Variants in TMEM232 observed in about 807,000 individuals in gnomAD.
TMEM232 encodes transmembrane protein 232.
A neutral mutation model predicts 78.8 loss-of-function variants in TMEM232; 80 were observed. The ratio of observed to expected loss-of-function variants is 1.01; its 90% CI spans 0.85 to 1.22. The LOEUF (loss-of-function observed/expected upper bound fraction) is 1.22. Among genes scored for constraint, TMEM232 ranks in the 50% most tolerant of loss-of-function variants. TMEM232 has a pLI of 0.00. For missense variants in TMEM232, 881 were observed against 742.2 expected, an observed-to-expected ratio of 1.19 and a Z score of -2.17; for synonymous variants, 297 against 254.3, an observed-to-expected ratio of 1.17 and a Z score of -1.60.
intron 12 of TMEM232, among the ~76,000 whole-genome samples, chr5:110,476,053 T>C (rs983673967): frequency 6.6e-6 from 1 of 152,048 alleles, no homozygotes; most frequent in Non-Finnish European, 1.5e-5. Flanking sequence ...TCTGTAGGTA[T>C]TGTTGGGCAA....
chr5:110,651,004 G>A (rs1045947748), intron 2 of TMEM232, among the ~76,000 whole-genome samples: 3 of 151,928 alleles, frequency 2.0e-5, no homozygotes, highest in Admixed American at 6.6e-5. Flanking sequence ...AATAAAAAAT[G>A]GGAGGTGATA....
intron 12 of TMEM232, among the ~76,000 whole-genome samples, chr5:110,505,891 T>C (rs1766833497): frequency 6.6e-6 from 1 of 152,220 alleles, no homozygotes; most frequent in Admixed American, 6.5e-5. Context: ...GTTATTTTAT[T>C]CAAATGTCTA....
chr5:110,407,501 C>G (rs1755835849), intron 2 of TMEM232, among the ~76,000 whole-genome samples: 1 of 152,050 alleles, frequency 6.6e-6, no homozygotes, highest in Admixed American at 6.6e-5. Flanking sequence ...TATTTATGCA[C>G]TCAACACCAA....
intron 2 of TMEM232, among the ~76,000 whole-genome samples, chr5:110,732,950 T>C (rs1462974530): frequency 6.6e-6 from 1 of 152,176 alleles, no homozygotes; most frequent in Admixed American, 6.5e-5. Flanking sequence ...ATCCAGTATC[T>C]ACAAGGAACT....
chr5:110,499,493 T>C (rs1765989410), intron 12 of TMEM232, among the ~76,000 whole-genome samples: 1 of 152,032 alleles, frequency 6.6e-6, no homozygotes, highest in African/African-American at 2.4e-5. Flanking sequence ...TAGGCTCAAG[T>C]GATCCTCTTG....
chr5:110,447,189 A>G (rs571527582), intron 12 of TMEM232, among the ~76,000 whole-genome samples: 19 of 151,880 alleles, frequency 1.3e-4, no homozygotes, highest in African/African-American at 3.9e-4. Context: ...TGCAGGTCAC[A>G]CAAAATGATT....
At chr5:110,501,562 AT>A (rs1385657154) in intron 12 of TMEM232, among the ~76,000 whole-genome samples, 1 of 152,188 alleles carries the variant, frequency 6.6e-6, no homozygotes, top group Non-Finnish European at 1.5e-5. Flanking sequence ...TGAATGCAGC[AT>A]AGGTGACCAT....
At chr5:110,447,496 T>C (rs1759797828) in intron 12 of TMEM232, among the ~76,000 whole-genome samples, 1 of 152,114 alleles carries the variant, frequency 6.6e-6, no homozygotes, top group Non-Finnish European at 1.5e-5. Flanking sequence ...TAGAGATCTT[T>C]TCAATACACG....
intron 10 of TMEM232, among the ~76,000 whole-genome samples, chr5:110,581,677 TAA>T (rs1778222663): frequency 6.6e-6 from 1 of 151,604 alleles, no homozygotes; most frequent in African/African-American, 2.4e-5. Flanking sequence ...GGGAACTAAT[TAA>T]AGAGCTTCTG....
intron 12 of TMEM232, among the ~76,000 whole-genome samples, chr5:110,481,269 CTT>C (rs1763832324): frequency 1.3e-5 from 2 of 152,018 alleles, no homozygotes; most frequent in African/African-American, 4.8e-5. Flanking sequence ...GCTAAAATGA[CTT>C]TTCAGATTAT....
At chr5:110,406,635 G>A (rs187996062) in intron 2 of TMEM232, among the ~76,000 whole-genome samples, 3 of 152,140 alleles carry the variant, frequency 2.0e-5, no homozygotes, top group East Asian at 1.9e-4. Flanking sequence ...AAGGGAGTAC[G>A]TTTCAAGGTA....
At chr5:110,479,616 C>T (rs1030235699) in intron 12 of TMEM232, among the ~76,000 whole-genome samples, 1 of 151,802 alleles carries the variant, frequency 6.6e-6, no homozygotes, top group African/African-American at 2.4e-5. Context: ...TGATCATTCT[C>T]ATTTTATTAA....
intron 13 of TMEM232, among the ~76,000 whole-genome samples, chr5:110,422,866 T>G (rs1756821099): frequency 1.3e-5 from 2 of 152,304 alleles, no homozygotes; most frequent in South Asian, 4.2e-4. Context: ...ATACCATTAT[T>G]ATTGTCTATT....
At chr5:110,509,018 A>G (rs1414631546) in intron 12 of TMEM232, among the ~76,000 whole-genome samples, 3 of 143,474 alleles carry the variant, frequency 2.1e-5, no homozygotes, top group Non-Finnish European at 4.5e-5. Flanking sequence ...ATGTATATAT[A>G]TACAATTATA....
chr5:110,482,871 A>C (rs1764031528), intron 12 of TMEM232, among the ~76,000 whole-genome samples: 1 of 151,938 alleles, frequency 6.6e-6, no homozygotes, highest in Non-Finnish European at 1.5e-5. Flanking sequence ...AATGCTAAAG[A>C]GAAGTAGACA....
chr5:110,466,035 C>A (rs1450153790), intron 12 of TMEM232, among the ~76,000 whole-genome samples: 1 of 151,872 alleles, frequency 6.6e-6, no homozygotes, highest in Non-Finnish European at 1.5e-5. Context: ...AATATATATA[C>A]AAAATAATAT....
intron 2 of TMEM232, among the ~76,000 whole-genome samples, chr5:110,650,471 C>A (rs1281748693): frequency 6.6e-6 from 1 of 152,072 alleles, no homozygotes; most frequent in African/African-American, 2.4e-5. Context: ...GCCAGGTGAT[C>A]AAAATCAACA....
In TMEM232 at chr5:110,565,067, T is replaced by C. The variant is rs116751285; in HGVS notation, c.1455+3380A>G. Among the ~76,000 whole-genome samples the C allele has an allele frequency of 3.1e-3, 469 of 152,072 alleles. 6 individuals carry two copies. The highest frequency in any genetic ancestry group is 3.2e-3 in the Non-Finnish European group (217 of 67,908). On this transcript the variant is annotated intron_variant, in intron 11 of 13. Transcript: ENST00000455884. ...TTATCCTCTACTTCCTCCAAATATTTTGCTAAGTTATTTTCACTTTCTTCA... is the reference window on the plus strand; with the variant it reads ...TTATCCTCTACTTCCTCCAAATATTCTGCTAAGTTATTTTCACTTTCTTCA...
chr5:110,576,209 C>A (rs1202892992), intron 10 of TMEM232, among the ~76,000 whole-genome samples: 1 of 151,990 alleles, frequency 6.6e-6, no homozygotes, highest in African/African-American at 2.4e-5. Flanking sequence ...AATCGATGCG[C>A]AAAAATTGTT....
Sources: allele counts gnomAD v4.1 joint callset (sites outside exome capture counted in the v4.1 genomes callset), GRCh38; gene constraint gnomAD v4.1.1; transcripts MANE v1.5; gene names NCBI Gene and HGNC (gene_info 2026-07-23, HGNC 2026-07-21).